Variants in IL17REL observed in about 807,000 individuals in gnomAD.
IL17REL encodes interleukin 17 receptor E like.
IL17REL carries 36 observed loss-of-function variants against 49.0 expected under a neutral mutation model. The ratio of observed to expected loss-of-function variants is 0.73; its 90% CI spans 0.56 to 0.97. IL17REL has a LOEUF of 0.97. Among genes scored for constraint, IL17REL ranks in the 50% least tolerant of loss-of-function variants. The probability of loss-of-function intolerance (pLI) is 0.00; values close to 1 mark genes in which losing one functional copy is unlikely to be tolerated. For missense variants in IL17REL, 470 were observed against 453.9 expected, an observed-to-expected ratio of 1.04 and a Z score of -0.32; for synonymous variants, 206 against 192.4, an observed-to-expected ratio of 1.07 and a Z score of -0.58.
At chr22:50,000,968 G>A (rs1601888448) in intron 2 of IL17REL, 105 bp from the exon 4 acceptor site, 6 of 1,261,810 alleles carry the variant, frequency 4.8e-6, no homozygotes, top group African/African-American at 4.5e-5. Flanking sequence ...GTGAAGTGCG[G>A]TTAGCAGCCC....
At chr22:49,998,400 G>A in intron 7 of IL17REL, 91 bp from the exon 10 acceptor site, 1 of 1,267,732 alleles carries the variant, frequency 7.9e-7, no homozygotes, top group South Asian at 1.5e-5. Context: ...GTGACCACTG[G>A]GCCAGGGTCC....
exon 13 of IL17REL, chr22:49,995,485 G>A (rs969039348): frequency 6.6e-6 from 1 of 152,322 alleles, no homozygotes; most frequent in Non-Finnish European, 1.5e-5. Flanking sequence ...CTCTCGGAGG[G>A]GGGCCTGGCT....
At chr22:50,000,928 C>G in intron 2 of IL17REL, 65 bp from the exon 4 acceptor site, 1 of 1,344,282 alleles carries the variant, frequency 7.4e-7, no homozygotes, top group South Asian at 1.4e-5. Context: ...CGGACGGGGC[C>G]GTGGGACCCT....
chr22:50,000,051 G>C (rs1345742868), intron 4 of IL17REL, 84 bp from the exon 7 acceptor site: 1 of 1,364,626 alleles, frequency 7.3e-7, no homozygotes, highest in African/African-American at 1.5e-5. Context: ...CCCCGACGTG[G>C]TGGCTCCTGC....
intron 1 of IL17REL, among the ~76,000 whole-genome samples, chr22:50,008,237 TATAA>T (rs1351190182): frequency 5.9e-5 from 9 of 152,224 alleles, no homozygotes; most frequent in African/African-American, 1.9e-4. Context: ...AGAGTCCTTT[TATAA>T]ATAGATACGC....
intron 1 of IL17REL, among the ~76,000 whole-genome samples, chr22:50,002,394 C>A (rs763046273): frequency 6.6e-6 from 1 of 152,074 alleles, no homozygotes; most frequent in Non-Finnish European, 1.5e-5. Context: ...AGACAACTGA[C>A]GGTTGAGACC....
chr22:49,992,813 T>C (rs2061012675), downstream of IL17REL, among the ~76,000 whole-genome samples: 2 of 152,010 alleles, frequency 1.3e-5, no homozygotes, highest in African/African-American at 4.8e-5. Context: ...AGCTGGGGTT[T>C]CCCCATGTTG....
chr22:50,010,896 G>A (rs928424155), upstream of IL17REL, among the ~76,000 whole-genome samples: 37 of 151,826 alleles, frequency 2.4e-4, no homozygotes, highest in African/African-American at 4.8e-4. Flanking sequence ...GCTTCCCAGC[G>A]GCCGGCGTCG....
chr22:49,997,180 C>T, intron 11 of IL17REL, 106 bp from the exon 14 acceptor site: 1 of 1,374,338 alleles, frequency 7.3e-7, no homozygotes, highest in Non-Finnish European at 1.0e-6. Flanking sequence ...GGGCTGGCCT[C>T]CCATCCCTCC....
intron 1 of IL17REL, among the ~76,000 whole-genome samples, chr22:50,001,816 G>A (rs1006151299): frequency 2.6e-5 from 4 of 152,242 alleles, no homozygotes; most frequent in African/African-American, 9.6e-5. Context: ...AGGTTTGCAG[G>A]TGGGACTCAG....
At chr22:50,000,013 C>T in intron 4 of IL17REL, 46 bp from the exon 7 acceptor site, 1 of 1,431,064 alleles carries the variant, frequency 7.0e-7, no homozygotes, top group South Asian at 1.4e-5. Context: ...CAGCGGTCAC[C>T]GACGCGGGGC....
At chr22:49,991,990 G>A (rs2061008799), downstream of IL17REL, among the ~76,000 whole-genome samples, 1 of 152,152 alleles carries the variant, frequency 6.6e-6, no homozygotes, top group Admixed American at 6.5e-5. Flanking sequence ...CTGGAAAAGT[G>A]GGACAATTCA....
At chr22:50,000,078 G>A in intron 4 of IL17REL, 111 bp from the exon 7 acceptor site, 3 of 1,239,642 alleles carry the variant, frequency 2.4e-6, no homozygotes, top group Non-Finnish European at 3.2e-6. Flanking sequence ...CAGACGTTTG[G>A]GAGTCGCCCG....
chr22:50,012,153 G>A (rs2061144658), upstream of IL17REL, among the ~76,000 whole-genome samples: 1 of 152,184 alleles, frequency 6.6e-6, no homozygotes, highest in South Asian at 2.1e-4. Flanking sequence ...CTCATTCTCA[G>A]CACGTTCTCC....
intron 4 of IL17REL, 94 bp from the exon 7 acceptor site, chr22:50,000,061 C>T: frequency 7.5e-7 from 1 of 1,341,512 alleles, no homozygotes; most frequent in Non-Finnish European, 9.7e-7. Context: ...GTGGCTCCTG[C>T]TGGGTTCAGA....
chr22:50,009,318 G>A (rs1467396441), upstream of IL17REL, among the ~76,000 whole-genome samples: 2 of 152,116 alleles, frequency 1.3e-5, no homozygotes, highest in African/African-American at 4.8e-5. Flanking sequence ...ACCTGACCAA[G>A]GGCACTCAAA....
At chr22:50,000,481 C>G in exon 4 of IL17REL, 1 of 1,612,110 alleles carries the variant, frequency 6.2e-7, no homozygotes, top group Non-Finnish European at 8.5e-7. Context: ...ACCCTACCTT[C>G]CACGAGGTGC....
At chr22:50,012,027 G>A (rs566190060), upstream of IL17REL, among the ~76,000 whole-genome samples, 8 of 152,302 alleles carry the variant, frequency 5.3e-5, no homozygotes, top group South Asian at 2.1e-4. Context: ...TTCCTGGGAT[G>A]CTGGGTACAC....
At chr22:50,011,299 G>GCCCCTGCCCTTT (rs1462887806), upstream of IL17REL, among the ~76,000 whole-genome samples, 2 of 145,060 alleles carry the variant, frequency 1.4e-5, no homozygotes, top group Non-Finnish European at 3.0e-5. Context: ...CCCTGCCCTT[G>GCCCCTGCCCTTT]CCCCTGCCCC....
Sources: allele counts gnomAD v4.1 joint callset (sites outside exome capture counted in the v4.1 genomes callset), GRCh38; gene constraint gnomAD v4.1.1; transcripts MANE v1.5; gene names NCBI Gene and HGNC (gene_info 2026-07-23, HGNC 2026-07-21).